DGKG: variants seen among roughly 807,000 people sequenced by gnomAD.
The protein encoded by DGKG is DAG kinase gamma.
DGKG carries 78 observed loss-of-function variants against 105.3 expected under a neutral mutation model. That is an observed-to-expected ratio of 0.74 (90% confidence interval 0.62 to 0.89). The LOEUF is 0.89. DGKG is among the 40% of genes least tolerant of loss of function. The probability of loss-of-function intolerance (pLI) is 0.00; values close to 1 mark genes in which losing one functional copy is unlikely to be tolerated. For missense variants in DGKG, 958 were observed against 1,020.1 expected (o/e 0.94, Z 0.83); for synonymous variants, 346 against 367.1 (o/e 0.94, Z 0.66).
chr3:186,325,833 A>G (rs1725310151), intron 1 of DGKG, among the ~76,000 whole-genome samples: 1 of 152,152 alleles, frequency 6.6e-6, no homozygotes, highest in South Asian at 2.1e-4. Context: ...ATTATTCCAG[A>G]TTTGATCAGT....
In DGKG at chr3:186,267,747, A is replaced by G. The variant is rs866472614; in HGVS notation, c.1147T>C (p.Cys383Arg). The G allele has an allele frequency of 1.2e-6, 2 of 1,613,886 alleles. No individual in the cohort carries two copies. The highest frequency in any genetic ancestry group is 2.7e-5 in the African/African-American group (2 of 74,916). The stretch of plus-strand genomic sequence containing the variant: ...TGGTCTCTGAGTTCCCCACCGTCAC[A>G]CAACGTTGATAATTCACATTTGCGG... ...FHRKCELSTL[C>R]DGGELRDHIL... is the part of the protein sequence containing the mutation. Residue 383 changes from cysteine to arginine, a missense_variant, in exon 13 of 25, where the codon TGT becomes CGT. Cys to Arg is a radical substitution (Grantham distance 180). Transcript: ENST00000265022.
At chr3:186,338,522 G>C (rs750987325) in intron 1 of DGKG, among the ~76,000 whole-genome samples, 1 of 152,106 alleles carries the variant, frequency 6.6e-6, no homozygotes, top group Non-Finnish European at 1.5e-5. Context: ...TGCAATATTT[G>C]TAGTGGTACA....
chr3:186,186,626 G>A (rs952582651), intron 22 of DGKG, among the ~76,000 whole-genome samples: 4 of 152,172 alleles, frequency 2.6e-5, no homozygotes, highest in African/African-American at 9.7e-5. Flanking sequence ...GAAAACTGGG[G>A]TGCCAAAAAT....
chr3:186,359,481 A>C (rs1727127787), intron 1 of DGKG, among the ~76,000 whole-genome samples: 1 of 152,200 alleles, frequency 6.6e-6, no homozygotes, highest in South Asian at 2.1e-4. Context: ...GGGGCTCAGC[A>C]ACCATACTTT....
chr3:186,279,899 T>C lies in DGKG; in HGVS notation c.744A>G (p.Gly248=). The change falls in exon 9 of 25, where the codon GGA becomes GGG. Residue 248 remains glycine (G), a synonymous_variant. Transcript: ENST00000265022. Reference sequence around the variant, plus strand: ...CCAGCAATGGGATGGTGGTCATCCCTCCATGGACCCATTCCTGTAGAGACA... The same window carrying C: ...CCAGCAATGGGATGGTGGTCATCCCCCCATGGACCCATTCCTGTAGAGACA... ...GFVSLQEWVH[G]GMTTIPLLVL... 6.2e-7 allele frequency: 1 copy of C among 1,614,026 alleles called. No homozygotes were observed. The highest frequency in any genetic ancestry group is 8.5e-7 in the Non-Finnish European group (1 of 1,179,922).
chr3:186,264,185 C>T (rs1309675593), intron 14 of DGKG, among the ~76,000 whole-genome samples: 1 of 152,212 alleles, frequency 6.6e-6, no homozygotes, highest in African/African-American at 2.4e-5. Context: ...TGTTTCCCAC[C>T]TTTCTGCCCT....
At chr3:186,306,023 GA>G (rs565187020) in intron 3 of DGKG, among the ~76,000 whole-genome samples, 26 of 152,296 alleles carry the variant, frequency 1.7e-4, no homozygotes, top group African/African-American at 6.0e-4. Context: ...ATGTAGTGAA[GA>G]AAATGGAGGA....
intron 1 of DGKG, among the ~76,000 whole-genome samples, chr3:186,338,693 T>C (rs1487393017): frequency 6.6e-6 from 1 of 152,226 alleles, no homozygotes; most frequent in Non-Finnish European, 1.5e-5. Context: ...GTATTATTTA[T>C]ACTTTTTAAA....
At chr3:186,162,330 G>A (rs530865859) in intron 23 of DGKG, among the ~76,000 whole-genome samples, 2 of 152,368 alleles carry the variant, frequency 1.3e-5, no homozygotes, top group South Asian at 2.1e-4. Context: ...GCGTGGCAGC[G>A]CCACCACTGA....
intron 22 of DGKG, among the ~76,000 whole-genome samples, chr3:186,175,510 G>A (rs554026011): frequency 6.6e-6 from 1 of 152,196 alleles, no homozygotes; most frequent in East Asian, 1.9e-4. Context: ...TGCTTCAGAG[G>A]GGGAGGCAGT....
At chr3:186,154,157 A>T (rs1426120808) in intron 24 of DGKG, among the ~76,000 whole-genome samples, 1 of 152,158 alleles carries the variant, frequency 6.6e-6, no homozygotes, top group Admixed American at 6.5e-5. Context: ...TGAACTGGAG[A>T]TGCATAGAAA....
chr3:186,248,015 C>CCCTT (rs1452549676), intron 19 of DGKG, among the ~76,000 whole-genome samples: 1 of 151,826 alleles, frequency 6.6e-6, no homozygotes, highest in Non-Finnish European at 1.5e-5. Context: ...CTTCCTCCCT[C>CCCTT]CCTTCCTTCC....
chr3:186,225,431 C>T (rs1309183226), intron 20 of DGKG, among the ~76,000 whole-genome samples: 2 of 152,214 alleles, frequency 1.3e-5, no homozygotes, highest in African/African-American at 4.8e-5. Context: ...GCCCCCATCA[C>T]AACCCTAAGG....
chr3:186,292,888 A>T lies in DGKG; in HGVS notation c.374-4008T>A, dbSNP rs563147586. 3.0e-4 allele frequency among the ~76,000 whole-genome samples: 45 copies of T among 152,284 alleles called. No individual in the cohort carries two copies. In the Middle Eastern group the frequency reaches 0.01, roughly 35 times the overall value. ...CAATTCTGTAAAAAAATTATAGAAAAATCTACAAGGAGATTACACACACAC... is the reference window on the plus strand; with the variant it reads ...CAATTCTGTAAAAAAATTATAGAAATATCTACAAGGAGATTACACACACAC... On this transcript the variant is annotated intron_variant, in intron 5 of 24. Transcript: ENST00000265022.
intron 22 of DGKG, among the ~76,000 whole-genome samples, chr3:186,187,620 G>T (rs1469892991): frequency 6.6e-6 from 1 of 152,190 alleles, no homozygotes; most frequent in Non-Finnish European, 1.5e-5. Flanking sequence ...GAGGCATCAT[G>T]AGTAAGCACA....
intron 17 of DGKG, among the ~76,000 whole-genome samples, chr3:186,253,758 T>C (rs1174494285): frequency 6.6e-6 from 1 of 152,158 alleles, no homozygotes; most frequent in Non-Finnish European, 1.5e-5. Flanking sequence ...TCCAAGTCCA[T>C]TCCCCTCCTC....
intron 3 of DGKG, among the ~76,000 whole-genome samples, chr3:186,300,177 TC>T (rs1723854815): frequency 6.6e-6 from 1 of 152,142 alleles, no homozygotes; most frequent in African/African-American, 2.4e-5. Context: ...GATCCTTGAT[TC>T]CATCCTCGCT....
intron 1 of DGKG, among the ~76,000 whole-genome samples, chr3:186,336,320 A>T (rs1023222185): frequency 2.0e-5 from 3 of 152,220 alleles, no homozygotes; most frequent in Non-Finnish European, 4.4e-5. Flanking sequence ...TATCCCAGGA[A>T]ATTTCATTGG....
intron 5 of DGKG, among the ~76,000 whole-genome samples, chr3:186,292,518 G>C (rs989259048): frequency 6.6e-6 from 1 of 152,174 alleles, no homozygotes; most frequent in Admixed American, 6.5e-5. Context: ...CCAAGGCCGG[G>C]CACGGTGGCT....
Sources: gnomAD v4.1 joint callset for allele counts (sites outside exome capture counted in the v4.1 genomes callset) on GRCh38, gnomAD v4.1.1 for gene constraint, MANE v1.5 for transcripts, NCBI Gene and HGNC (gene_info 2026-07-23, HGNC 2026-07-21) for gene names.